Variants in AVIL observed in about 807,000 individuals in gnomAD.
AVIL encodes advillin.
Under a neutral mutation model 109.9 loss-of-function variants are expected in AVIL, and 78 were observed. That is an observed-to-expected ratio of 0.71 (90% CI 0.59 to 0.86). The LOEUF is 0.86. Among genes scored for constraint, AVIL ranks in the 40% least tolerant of loss-of-function variants. The pLI, the probability that AVIL is intolerant of heterozygous loss-of-function variation, is 0.00. For missense variants in AVIL, 892 were observed against 1,016.5 expected, an observed-to-expected ratio of 0.88 and a Z score of 1.67; for synonymous variants, 367 against 379.1, an observed-to-expected ratio of 0.97 and a Z score of 0.37.
Position 57,810,556 on chromosome 12 carries a change from CAAA to C in AVIL, c.559-8_559-6del, listed in dbSNP as rs142322059. ...ATCCTTTGCCAGAAGCATAGCCTGT[CAAA>C]GAAGCCCAAGGAAGCCCTCAGCTCC... is the stretch of plus-strand genomic sequence containing the variant. On this transcript the variant is annotated splice_region_variant and splice_polypyrimidine_tract_variant and intron_variant, in intron 6 of 19. Transcript: ENST00000549994. 1.3e-3 allele frequency: 2,104 copies of C among 1,612,846 alleles called. 27 individuals carry two copies. The African/African-American group carries it at 0.025, about 19-fold the overall frequency.
In AVIL at chr12:57,809,714, G is replaced by A. The variant is rs1956010123; in HGVS notation, c.841-19C>T. 1 of 1,613,848 alleles carries A rather than the reference G, an allele frequency of 6.2e-7. No homozygotes were observed. The highest frequency in any genetic ancestry group is 1.6e-4 in the Middle Eastern group (1 of 6,062). ...AGCAGTCCTAAAGCAGCCAGAGATA[G>A]GTATGGTTGCTCAAGACCAGAAGGA... On this transcript the variant is annotated intron_variant, in intron 8 of 19. Transcript: ENST00000549994.
intron 4 of AVIL, among the ~76,000 whole-genome samples, chr12:57,812,139 C>T (rs761486249): frequency 6.6e-6 from 1 of 152,148 alleles, no homozygotes; most frequent in Non-Finnish European, 1.5e-5. Context: ...GGCTCAATAC[C>T]CTCAGCCCAT....
chr12:57,805,097 C>A lies in AVIL; in HGVS notation c.1671+1263G>T, dbSNP rs530553356. ...TTGAGAGGGAATCTTGCTCTGTTAG[C>A]CAGGCTGGAGTACAGTGGCGCAATC... On this transcript the variant is annotated intron_variant, in intron 14 of 19. Coordinates refer to ENST00000549994, the MANE Select transcript of AVIL (RefSeq NM_006576.4). 8.3e-3 allele frequency among the ~76,000 whole-genome samples: 1,270 copies of A among 152,218 alleles called. 12 individuals are homozygous for A. Among genetic ancestry groups the A allele is most frequent in the Non-Finnish European group, 0.011 (775 of 68,022 alleles).
At chr12:57,809,757 T>C (rs769173695) in intron 8 of AVIL, 55 bp downstream of exon 8, 1 of 1,613,408 alleles carries the variant, frequency 6.2e-7, no homozygotes. Context: ...GCACAGGGTC[T>C]GCTTCTGAAG....
intron 18 of AVIL, 112 bp downstream of exon 18, chr12:57,801,032 T>A (rs1374454066): frequency 4.9e-6 from 4 of 810,490 alleles, no homozygotes; most frequent in East Asian, 2.5e-5. Context: ...AACAGACAAC[T>A]ATGGTAATAC....
At chr12:57,811,256 T>A in intron 4 of AVIL, 129 bp from the exon 5 acceptor site, 1 of 819,070 alleles carries the variant, frequency 1.2e-6, no homozygotes, top group Non-Finnish European at 1.9e-6. Flanking sequence ...ATACAGATGG[T>A]GGCAGCTGCT....
chr12:57,802,232 C>T lies in AVIL; in HGVS notation c.2079G>A (p.Leu693=). The change falls in exon 17 of 20, where the codon CTG becomes CTA. Residue 693 remains leucine (L), a synonymous_variant. Coordinates refer to ENST00000549994, the MANE Select transcript of AVIL (RefSeq NM_006576.4). ...PSGRDPDTPI[L]IIKQGFEPPI... ...GAGGCTCAAACCCCTGCTTAATGAT[C>T]AGGATTGGTGTGTCGGGATCTCGGC... is the stretch of plus-strand genomic sequence containing the variant. 2 of 1,614,186 alleles carry T rather than the reference C, an allele frequency of 1.2e-6. No homozygotes were observed. The highest frequency in any genetic ancestry group is 1.7e-6 in the Non-Finnish European group (2 of 1,179,998).
At chr12:57,817,720 T>C (rs55933151) in intron 1 of AVIL, among the ~76,000 whole-genome samples, 9,763 of 152,138 alleles carry the variant, frequency 0.064, 417 homozygotes, top group Middle Eastern at 0.14. Context: ...CCTGTCCCGT[T>C]TCCCAGCAGG....
rs1322846212 is a variant in AVIL, at chr12:57,807,366, T to A, written c.1456A>T (p.Met486Leu). The change falls in exon 13 of 20, where the codon ATG becomes TTG. Residue 486 changes from methionine to leucine, a missense_variant. Coordinates refer to ENST00000549994, the MANE Select transcript of AVIL (RefSeq NM_006576.4). ...VRMGTEPRHF[M>L]AIFKGKLVIF... ...ACTAGCTTCCCTTTGAAGATGGCCA[T>A]GAAGTGGCGTGGCTCCGTTCCCATC... is the stretch of plus-strand genomic sequence containing the variant. 6.2e-7 allele frequency: 1 copy of A among 1,614,214 alleles called. No homozygotes were observed. Among genetic ancestry groups the A allele is most frequent in the Non-Finnish European group, 8.5e-7 (1 of 1,180,036 alleles).
chr12:57,810,025 G>T, intron 7 of AVIL, 135 bp from the exon 8 acceptor site: 1 of 894,604 alleles, frequency 1.1e-6, no homozygotes. Context: ...CATGACTTGA[G>T]TGAGGACAGG....
intron 14 of AVIL, chr12:57,806,133 CTTTTTT>C: frequency 3.5e-5 from 5 of 142,458 alleles, no homozygotes; most frequent in South Asian, 1.4e-4. Context: ...CCGTGCCCAG[CTTTTTT>C]TTTTTTTTTT....
At chr12:57,813,093 C>G in intron 4 of AVIL, 134 bp downstream of exon 4, 1 of 1,131,800 alleles carries the variant, frequency 8.8e-7, no homozygotes, top group Non-Finnish European at 1.2e-6. Context: ...ATCTGCTGCT[C>G]TAGTGGGTGG....
At chr12:57,810,695 G>T in intron 6 of AVIL, 121 bp downstream of exon 6, 1 of 1,370,076 alleles carries the variant, frequency 7.3e-7, no homozygotes. Flanking sequence ...CACACACTTG[G>T]CCTGTCTCCA....
In AVIL at chr12:57,806,483, T is replaced by C. The variant is rs1198706705; in HGVS notation, c.1548A>G (p.Gln516=). The C allele has an allele frequency of 6.2e-7, 1 of 1,614,140 alleles. No individual in the cohort carries two copies. Among genetic ancestry groups the C allele is most frequent in the East Asian group, 2.2e-5 (1 of 44,876 alleles). ...TGTTAGATTTGTCATTTCCATGAAT[T>C]TGGAAGAGTCTTACTGGAGGGTCAG... ...AEPDPPVRLF[Q]IHGNDKSNTK... The change falls in exon 14 of 20, where the codon CAA becomes CAG. Residue 516 remains glutamine (Q), a synonymous_variant. Coordinates refer to ENST00000549994, the MANE Select transcript of AVIL (RefSeq NM_006576.4).
At chr12:57,801,309 A>G (rs1595156475) in intron 17 of AVIL, 97 bp from the exon 18 acceptor site, 1 of 952,408 alleles carries the variant, frequency 1.0e-6, no homozygotes, top group Non-Finnish European at 1.6e-6. Context: ...CAAAAGAGCC[A>G]GGGAGTCAGA....
intron 9 of AVIL, 25 bp downstream of exon 9, chr12:57,809,572 A>C (rs766600173): frequency 6.2e-7 from 1 of 1,612,374 alleles, no homozygotes; most frequent in Non-Finnish European, 8.5e-7. Flanking sequence ...TTATTTGAAC[A>C]GTATTGCACA....
chr12:57,810,378 C>T lies in AVIL; in HGVS notation c.732G>A (p.Gln244=), dbSNP rs553704153. The change falls in exon 7 of 20, where the codon CAG becomes CAA. Residue 244 remains glutamine (Q), a synonymous_variant. Coordinates refer to ENST00000549994, the MANE Select transcript of AVIL (RefSeq NM_006576.4). ...ACAACATGATAGTTGATTTCTGCTT[C>T]TGATCTATGATCTCATCAGGGACTG... ...KPTVPDEIID[Q]KQKSTIMLYH... 3 of 1,614,120 alleles carry T rather than the reference C, an allele frequency of 1.9e-6. No individual in the cohort carries two copies. The African/African-American group carries it at 4.0e-5, about 22-fold the overall frequency.
chr12:57,814,814 C>T (rs79970417), intron 2 of AVIL: 7,597 of 153,016 alleles, frequency 0.05, 256 homozygotes, highest in Non-Finnish European at 0.073. Flanking sequence ...ACTGTTCACA[C>T]AGCCTTGATG....
chr12:57,809,924 C>T, intron 7 of AVIL, 34 bp from the exon 8 acceptor site: 1 of 1,605,642 alleles, frequency 6.2e-7, no homozygotes, highest in Non-Finnish European at 8.5e-7. Context: ...TGTGCCTTTT[C>T]CTCTATAAAG....
Sources: allele counts gnomAD v4.1 joint callset (sites outside exome capture counted in the v4.1 genomes callset), GRCh38; gene constraint gnomAD v4.1.1; transcripts MANE v1.5; gene names NCBI Gene and HGNC (gene_info 2026-07-23, HGNC 2026-07-21).